DAP3: variants seen among roughly 807,000 people sequenced by gnomAD.
The protein encoded by DAP3 is small ribosomal subunit protein mS29.
In DAP3, 28 loss-of-function variants were observed where a neutral mutation model predicts 51.9. The ratio of observed to expected loss-of-function variants is 0.54; its 90% CI spans 0.40 to 0.74. The LOEUF is 0.74. Ranked by LOEUF, DAP3 falls within the 30% of genes least tolerant of loss-of-function variation. The pLI, the probability that DAP3 is intolerant of heterozygous loss-of-function variation, is 0.00. For missense variants in DAP3, 458 were observed against 483.5 expected (o/e 0.95, Z 0.49); for synonymous variants, 170 against 170.3 (o/e 1.00, Z 0.01).
At position 155,732,014 on chromosome 1, in the gene DAP3, C is replaced by T. The variant is rs1571564561; in HGVS notation, c.974C>T (p.Pro325Leu). Residue 325 changes from proline to leucine, a missense_variant, in exon 11 of 13, where the codon CCC becomes CTC. Physicochemically the swap from Pro to Leu is moderately conservative, Grantham distance 98 (BLOSUM62 -3). Coordinates refer to ENST00000368336, the MANE Select transcript of DAP3 (RefSeq NM_004632.4). ...TTTAAGCCCCGGAAAGCCTATCTGC[C>T]CCAGGAGTTGCTGGGAAAGGTCAAG... ...SLFKPRKAYL[P>L]QELLGKEGFD... 6.2e-7 allele frequency: 1 copy of T among 1,611,042 alleles called. No homozygotes were observed. Among genetic ancestry groups the T allele is most frequent in the Non-Finnish European group, 8.5e-7 (1 of 1,178,636 alleles).
intron 1 of DAP3, among the ~76,000 whole-genome samples, chr1:155,695,661 C>G (rs1654424712): frequency 6.6e-6 from 1 of 152,170 alleles, no homozygotes; most frequent in South Asian, 2.1e-4. Flanking sequence ...TTAATTAAGG[C>G]AGTTTCAATA....
chr1:155,724,598 A>C (rs925503481), intron 4 of DAP3, among the ~76,000 whole-genome samples: 1 of 146,850 alleles, frequency 6.8e-6, no homozygotes, highest in Admixed American at 7.0e-5. Context: ...ACACCACTGC[A>C]CTCTAGCCTG....
chr1:155,701,106 C>T (rs1185055117), intron 1 of DAP3, among the ~76,000 whole-genome samples: 6 of 126,046 alleles, frequency 4.8e-5, no homozygotes, highest in African/African-American at 7.8e-5. Flanking sequence ...AGGTGAGGGG[C>T]GCCTCTGCCC....
chr1:155,729,247 A>G lies in DAP3; in HGVS notation c.724A>G (p.Ile242Val). Residue 242 changes from isoleucine (I) to valine (V), a missense_variant, in exon 9 of 13, where the codon ATT becomes GTT. By Grantham distance (29) the Ile-to-Val change is conservative (BLOSUM62 3). Coordinates refer to ENST00000368336, the MANE Select transcript of DAP3 (RefSeq NM_004632.4). ...RVRNATDAVG[I>V]VLKELKRQSS... ...GAGGAACGCCACAGATGCAGTTGGAATTGTGCTGAAAGAGCTAAAGAGGCA... is the reference window on the plus strand; with the variant it reads ...GAGGAACGCCACAGATGCAGTTGGAGTTGTGCTGAAAGAGCTAAAGAGGCA... 1 of 1,614,218 alleles carries G rather than the reference A, an allele frequency of 6.2e-7. No homozygotes were observed. Among genetic ancestry groups the G allele is most frequent in the Middle Eastern group, 1.6e-4 (1 of 6,062 alleles).
intron 4 of DAP3, among the ~76,000 whole-genome samples, chr1:155,723,071 CT>C (rs568571505): frequency 8.9e-4 from 131 of 146,586 alleles, no homozygotes; most frequent in East Asian, 7.5e-3. Context: ...CCTAATATGA[CT>C]TTTTTTTTTT....
At chr1:155,723,131 A>G (rs1201625008) in intron 4 of DAP3, among the ~76,000 whole-genome samples, 1 of 151,662 alleles carries the variant, frequency 6.6e-6, no homozygotes, top group African/African-American at 2.4e-5. Flanking sequence ...CAGTGTGCCC[A>G]GGGTAGCTGA....
At chr1:155,720,004 A>G (rs1376579290) in intron 3 of DAP3, among the ~76,000 whole-genome samples, 2 of 152,080 alleles carry the variant, frequency 1.3e-5, no homozygotes, top group Non-Finnish European at 2.9e-5. Context: ...CTTTCTCAAA[A>G]CAATGGGAGA....
chr1:155,688,390 C>T, upstream of DAP3: 1 of 1,542,668 alleles, frequency 6.5e-7, no homozygotes, highest in Admixed American at 2.0e-5. Context: ...GGGCGCCTAG[C>T]GACACCCCCA....
At chr1:155,688,342 G>A, upstream of DAP3, 1 of 1,549,590 alleles carries the variant, frequency 6.5e-7, no homozygotes, top group Non-Finnish European at 8.7e-7. Context: ...GGCGGCAGCA[G>A]AGTGGCCGCG....
intron 4 of DAP3, among the ~76,000 whole-genome samples, chr1:155,723,479 C>A (rs1245137479): frequency 1.3e-5 from 2 of 152,136 alleles, no homozygotes; most frequent in African/African-American, 4.8e-5. Flanking sequence ...CAGGTGCTCG[C>A]CACCACGCCT....
chr1:155,734,952 T>G (rs1659603721), intron 11 of DAP3, among the ~76,000 whole-genome samples: 2 of 152,048 alleles, frequency 1.3e-5, no homozygotes, highest in South Asian at 4.1e-4. Context: ...CTAGAATATA[T>G]GAAAAGTAGT....
chr1:155,712,604 C>T (rs545820831), intron 2 of DAP3, among the ~76,000 whole-genome samples: 25 of 126,162 alleles, frequency 2.0e-4, no homozygotes, highest in African/African-American at 7.3e-4. Context: ...AAGAGTGAAA[C>T]TCCGTCTCAA....
chr1:155,725,361 C>T, intron 4 of DAP3, 21 bp from the exon 5 acceptor site: 6 of 1,605,754 alleles, frequency 3.7e-6, no homozygotes, highest in Non-Finnish European at 5.1e-6. Flanking sequence ...CCCACTCTTT[C>T]CTTCTTTCCT....
chr1:155,709,768 A>G lies in DAP3; in HGVS notation c.-7-5A>G, dbSNP rs191412913. The G allele has an allele frequency of 9.7e-5, 153 of 1,580,910 alleles. No individual in the cohort carries two copies. The African/African-American group carries it at 1.8e-3, about 19-fold the overall frequency. ...ACCTTTTCACTTTTTTTTTTTTTGT[A>G]ACAGTGCAAGGATGATGCTGAAAGG... On this transcript the variant is annotated splice_region_variant and splice_polypyrimidine_tract_variant and intron_variant, in intron 1 of 12. Transcript: ENST00000368336.
At chr1:155,723,016 CCTA>C (rs1384236396) in intron 4 of DAP3, among the ~76,000 whole-genome samples, 1 of 152,092 alleles carries the variant, frequency 6.6e-6, no homozygotes, top group Non-Finnish European at 1.5e-5. Flanking sequence ...TACATGAAGG[CCTA>C]CTTCCTCACC....
intron 2 of DAP3, among the ~76,000 whole-genome samples, chr1:155,713,782 C>T (rs1488094714): frequency 6.6e-6 from 1 of 152,138 alleles, no homozygotes. Flanking sequence ...CATCATAACA[C>T]AGGGTTGATA....
chr1:155,730,053 T>C (rs1245803867), intron 9 of DAP3, among the ~76,000 whole-genome samples: 1 of 149,286 alleles, frequency 6.7e-6, no homozygotes, highest in Non-Finnish European at 1.5e-5. Context: ...TATATATTCA[T>C]ATATATGTAT....
intron 1 of DAP3, among the ~76,000 whole-genome samples, chr1:155,705,671 C>T: frequency 6.6e-6 from 1 of 150,542 alleles, no homozygotes; most frequent in East Asian, 1.9e-4. Flanking sequence ...TATTCTCTCT[C>T]TCTTTTTATT....
At chr1:155,720,804 C>T (rs2175389) in intron 3 of DAP3, among the ~76,000 whole-genome samples, 28 of 151,472 alleles carry the variant, frequency 1.8e-4, no homozygotes, top group Admixed American at 1.8e-3. Flanking sequence ...TTTGGGAGGT[C>T]GAGGTGAGCG....
Sources: allele counts gnomAD v4.1 joint callset (sites outside exome capture counted in the v4.1 genomes callset), GRCh38; gene constraint gnomAD v4.1.1; transcripts MANE v1.5; gene names NCBI Gene and HGNC (gene_info 2026-07-23, HGNC 2026-07-21).